The following TMEM242 variants were observed in gnomAD, a reference collection of about 807,000 sequenced individuals.
TMEM242 encodes the protein UPF0463 transmembrane protein C6orf35.
In TMEM242, 10 loss-of-function variants were observed where a neutral mutation model predicts 18.2. That is an observed-to-expected ratio of 0.55 (90% CI 0.34 to 0.93). TMEM242 has a LOEUF of 0.93. Among genes scored for constraint, TMEM242 ranks in the 40% least tolerant of loss-of-function variants. TMEM242 has a pLI of 0.02. For missense variants in TMEM242, 186 were observed against 175.5 expected (o/e 1.06, Z -0.34); for synonymous variants, 57 against 69.9 (o/e 0.81, Z 0.92).
intron 3 of TMEM242, among the ~76,000 whole-genome samples, chr6:157,311,312 G>C (rs1583565461): frequency 9.1e-6 from 1 of 109,982 alleles, no homozygotes; most frequent in Non-Finnish European, 1.9e-5. Context: ...TAGTGTCCCA[G>C]TGTGTGTTCA....
At chr6:157,310,656 G>GCTCACCTA (rs2128414577) in intron 3 of TMEM242, among the ~76,000 whole-genome samples, 1 of 3,474 alleles carries the variant, frequency 2.9e-4, no homozygotes, top group Non-Finnish European at 1.3e-3. Context: ...TCGCTCACCC[G>GCTCACCTA]GCCTCATCAT....
At chr6:157,311,275 C>T (rs1778070215) in intron 3 of TMEM242, among the ~76,000 whole-genome samples, 19 of 150,684 alleles carry the variant, frequency 1.3e-4, no homozygotes, top group African/African-American at 4.4e-4. Flanking sequence ...TCATAGTGCC[C>T]CCGTGTGCAC....
At position 157,318,879 on chromosome 6, in the gene TMEM242, G is replaced by A; in HGVS notation, c.230C>T (p.Ser77Phe). Residue 77 changes from serine to phenylalanine, a missense_variant, in exon 3 of 4, where the codon TCC (serine) becomes TTC (phenylalanine). By Grantham distance (155) the Ser-to-Phe change is radical. Transcript: ENST00000400788. ...ATAALPESGS[S>F]LALRALGWGS... ...CCAGCCCAGAGCTCGCAAGGCAAGG[G>A]AAGACCCGCTTTCCGGTAATGCAGC... 1 of 1,610,866 alleles carries A rather than the reference G, an allele frequency of 6.2e-7. No individual in the cohort carries two copies. The highest frequency in any genetic ancestry group is 8.5e-7 in the Non-Finnish European group (1 of 1,179,142).
At chr6:157,322,416 C>G (rs1554250789) in intron 2 of TMEM242, among the ~76,000 whole-genome samples, 1 of 152,192 alleles carries the variant, frequency 6.6e-6, no homozygotes, top group South Asian at 2.1e-4. Flanking sequence ...CAGGCATGAA[C>G]CACGATGCCT....
intron 3 of TMEM242, among the ~76,000 whole-genome samples, chr6:157,310,537 C>T: frequency 6.7e-6 from 1 of 148,942 alleles, no homozygotes; most frequent in Non-Finnish European, 1.5e-5. Context: ...TCATGGTATC[C>T]CAGTGTGCGC....
rs587694484 is a variant in TMEM242 at position 157,305,755 on chromosome 6, G to A, written c.328-12756C>T. On this transcript the variant is annotated intron_variant, in intron 3 of 3. Coordinates refer to ENST00000400788, the MANE Select transcript of TMEM242 (RefSeq NM_018452.6). This position sits in a 1 kb window ranked among gnomAD's most constrained non-coding sequence, Gnocchi z 4.1. ...GCCACAGTGTTTCAGGATGGAGGGGGGGCTCCATTGTGCCCAAATGTTGCT... is the reference window on the plus strand; with the variant it reads ...GCCACAGTGTTTCAGGATGGAGGGGAGGCTCCATTGTGCCCAAATGTTGCT... Among the ~76,000 whole-genome samples, 1 of 93,882 alleles carries A rather than the reference G, an allele frequency of 1.1e-5. No individual in the cohort carries two copies. The highest frequency in any genetic ancestry group is 4.4e-5 in the African/African-American group (1 of 22,614). The allele number at this position is 93,882 out of a possible 152,430, so 61.6% of individuals were successfully genotyped here.
At chr6:157,313,571 CAT>C (rs1778287069) in intron 3 of TMEM242, among the ~76,000 whole-genome samples, 1 of 151,964 alleles carries the variant, frequency 6.6e-6, no homozygotes, top group African/African-American at 2.4e-5. Context: ...CTAGCCTCAT[CAT>C]AGTGTCCCAG....
At chr6:157,322,980 G>A (rs1562389935) in intron 1 of TMEM242, among the ~76,000 whole-genome samples, 175 bp from the exon 2 acceptor site, 2 of 152,300 alleles carry the variant, frequency 1.3e-5, no homozygotes, top group East Asian at 1.9e-4. Context: ...CAGCGGCTGA[G>A]AAACACGCGT....
chr6:157,307,551 G>A (rs587722461), intron 3 of TMEM242, among the ~76,000 whole-genome samples: 4 of 152,186 alleles, frequency 2.6e-5, no homozygotes, highest in African/African-American at 9.6e-5. Context: ...CCTGTGATTC[G>A]GGTTCTCTGT....
At chr6:157,302,063 C>A (rs1777839282) in intron 3 of TMEM242, among the ~76,000 whole-genome samples, 1 of 152,108 alleles carries the variant, frequency 6.6e-6, no homozygotes, top group Admixed American at 6.5e-5. Context: ...CCATGTTTTC[C>A]CTATCAGTAA....
intron 2 of TMEM242, among the ~76,000 whole-genome samples, chr6:157,321,855 T>A (rs1778499523): frequency 6.6e-6 from 1 of 152,190 alleles, no homozygotes; most frequent in African/African-American, 2.4e-5. Flanking sequence ...ACAAAATATA[T>A]TTCTGCTCTG....
intron 3 of TMEM242, among the ~76,000 whole-genome samples, chr6:157,313,521 AGTC>A (rs1778281414): frequency 1.8e-5 from 2 of 111,308 alleles, no homozygotes; most frequent in African/African-American, 3.8e-5. Context: ...CCCAGTGTGC[AGTC>A]ATCTGGCGTC....
At chr6:157,310,503 C>G (rs1583562399) in intron 3 of TMEM242, among the ~76,000 whole-genome samples, 1 of 128,190 alleles carries the variant, frequency 7.8e-6, no homozygotes, top group Admixed American at 7.9e-5. Flanking sequence ...TCATAGTGTC[C>G]CAGTGTACAC....
intron 3 of TMEM242, among the ~76,000 whole-genome samples, chr6:157,314,523 C>G (rs920215007): frequency 6.6e-6 from 1 of 152,176 alleles, no homozygotes; most frequent in Non-Finnish European, 1.5e-5. Context: ...TCGATGAACA[C>G]AAACTGAACA....
chr6:157,322,961 A>G (rs1554250832), intron 1 of TMEM242, among the ~76,000 whole-genome samples, 156 bp from the exon 2 acceptor site: 1 of 152,228 alleles, frequency 6.6e-6, no homozygotes, highest in Non-Finnish European at 1.5e-5. Flanking sequence ...TCTTGCTAAC[A>G]GTAAATGACA....
chr6:157,305,945 G>C lies in TMEM242; in HGVS notation c.327+12837C>G, dbSNP rs1320826189. 2.0e-5 allele frequency among the ~76,000 whole-genome samples: 3 copies of C among 152,194 alleles called. No individual in the cohort carries two copies. Among genetic ancestry groups the C allele is most frequent in the Non-Finnish European group, 4.4e-5 (3 of 68,034 alleles). ...AGACAACTCTTTCGGGAAGCTTTTT[G>C]TGTAAAGGGGAGCAGATAAATGGGC... On this transcript the variant is annotated intron_variant, in intron 3 of 3. Coordinates refer to ENST00000400788, the MANE Select transcript of TMEM242 (RefSeq NM_018452.6). This position sits in a 1 kb window ranked among gnomAD's most constrained non-coding sequence, Gnocchi z 4.1.
rs113373350 is a variant in TMEM242 at position 157,305,225 on chromosome 6, G to T, written c.328-12226C>A. Among the ~76,000 whole-genome samples, 5,000 of 152,182 alleles carry T rather than the reference G, an allele frequency of 0.033. 265 individuals carry two copies. Among genetic ancestry groups the T allele is most frequent in the African/African-American group, 0.11 (4,701 of 41,494 alleles). ...GAATGGATGTGGAGAGATGAAGGAG[G>T]CAGGCGGTGTTCAGCGGCAGAGCTG... On this transcript the variant is annotated intron_variant, in intron 3 of 3. Transcript: ENST00000400788. The surrounding 1 kb of genome is among the most constrained non-coding windows in gnomAD (Gnocchi z 4.1).
chr6:157,307,809 G>A (rs587661752), intron 3 of TMEM242, among the ~76,000 whole-genome samples: 6 of 152,288 alleles, frequency 3.9e-5, no homozygotes, highest in Admixed American at 1.3e-4. Flanking sequence ...CTGCAGGATC[G>A]TGATGACTGT....
intron 3 of TMEM242, among the ~76,000 whole-genome samples, chr6:157,313,350 G>C (rs1554249718): frequency 5.2e-4 from 75 of 143,206 alleles, no homozygotes; most frequent in Middle Eastern, 4.2e-3. Context: ...GCCCCAGTGT[G>C]CGCTCACCTG....
Sources: allele counts gnomAD v4.1 joint callset (sites outside exome capture counted in the v4.1 genomes callset), GRCh38; gene constraint gnomAD v4.1.1; non-coding constraint Gnocchi (gnomAD v3.1); transcripts MANE v1.5; gene names NCBI Gene and HGNC (gene_info 2026-07-23, HGNC 2026-07-21).